The following DCDC2 variants were observed in gnomAD, a reference collection of about 807,000 sequenced individuals.
DCDC2 encodes doublecortin domain-containing protein 2.
A neutral mutation model predicts 50.2 loss-of-function variants in DCDC2; 40 were observed. The ratio of observed to expected loss-of-function variants is 0.80; its 90% CI spans 0.62 to 1.04. DCDC2 has a LOEUF of 1.04. Ranked by LOEUF, DCDC2 falls within the 50% of genes least tolerant of loss-of-function variation. DCDC2 has a pLI of 0.00. For missense variants in DCDC2, 570 were observed against 581.9 expected (o/e 0.98, Z 0.21); for synonymous variants, 234 against 210.6 (o/e 1.11, Z -0.96).
In DCDC2 at chr6:24,221,774, T is replaced by A. The variant is rs775889016; in HGVS notation, c.923-16672A>T. The stretch of plus-strand genomic sequence containing the variant: ...TTTAAATAACATGCCTAAGGCGGCA[T>A]AGGCAGGAAGTGTTTGAGCCAGGGG... On this transcript the variant is annotated intron_variant, in intron 7 of 9. Coordinates refer to ENST00000378454, the MANE Select transcript of DCDC2 (RefSeq NM_016356.5). Among the ~76,000 whole-genome samples the A allele has an allele frequency of 1.1e-3, 174 of 152,224 alleles. 1 individual carries two copies. The highest frequency in any genetic ancestry group is 1.8e-4 in the Non-Finnish European group (12 of 68,052).
intron 2 of DCDC2, among the ~76,000 whole-genome samples, chr6:24,303,622 T>C (rs1006342075): frequency 2.6e-5 from 4 of 152,182 alleles, no homozygotes; most frequent in African/African-American, 9.7e-5. Flanking sequence ...TTTTACCCCA[T>C]GATTTGAAAG....
Position 24,255,276 on chromosome 6 carries a change from T to C in DCDC2, c.922+22773A>G, listed in dbSNP as rs533820960. Among the ~76,000 whole-genome samples, 12 of 151,808 alleles carry C rather than the reference T, an allele frequency of 7.9e-5. No individual in the cohort carries two copies. In the South Asian group the frequency reaches 1.9e-3, roughly 24 times the overall value. On this transcript the variant is annotated intron_variant, in intron 7 of 9. Coordinates refer to ENST00000378454, the MANE Select transcript of DCDC2 (RefSeq NM_016356.5). ...AGATATTCACATGGAGAAAAACTAA[T>C]CTTGACTTCACACCATGCATAAAAA...
chr6:24,228,041 G>A, intron 7 of DCDC2, among the ~76,000 whole-genome samples: 1 of 152,160 alleles, frequency 6.6e-6, no homozygotes, highest in East Asian at 1.9e-4. Flanking sequence ...TTAATTCATA[G>A]GTGGAAAGTT....
chr6:24,272,057 A>G (rs1033358520), intron 7 of DCDC2, among the ~76,000 whole-genome samples: 1 of 152,160 alleles, frequency 6.6e-6, no homozygotes, highest in African/African-American at 2.4e-5. Context: ...TAGTGAACAA[A>G]GTGTTTAAGA....
chr6:24,258,554 C>A (rs557769140), intron 7 of DCDC2, among the ~76,000 whole-genome samples: 2 of 152,158 alleles, frequency 1.3e-5, no homozygotes, highest in South Asian at 2.1e-4. Flanking sequence ...AGTCCCCACC[C>A]GACCCAGAAG....
intron 2 of DCDC2, among the ~76,000 whole-genome samples, chr6:24,320,035 T>C (rs1759743429): frequency 6.6e-6 from 1 of 152,164 alleles, no homozygotes; most frequent in Admixed American, 6.6e-5. Flanking sequence ...GGGAAAACGG[T>C]ATTCTTACTA....
intron 2 of DCDC2, among the ~76,000 whole-genome samples, chr6:24,329,329 T>C (rs1006024675): frequency 7.2e-5 from 11 of 152,218 alleles, no homozygotes; most frequent in Admixed American, 2.6e-4. Flanking sequence ...ACTTTATCAT[T>C]TGTTTGTTTT....
chr6:24,324,151 A>G (rs1759816936), intron 2 of DCDC2, among the ~76,000 whole-genome samples: 1 of 146,928 alleles, frequency 6.8e-6, no homozygotes, highest in Admixed American at 7.1e-5. Context: ...TCAAAACTGC[A>G]CCATCCAGGA....
chr6:24,306,543 T>TAGATAGAG (rs1209633765), intron 2 of DCDC2, among the ~76,000 whole-genome samples: 11 of 115,662 alleles, frequency 9.5e-5, no homozygotes, highest in African/African-American at 3.4e-4. Context: ...GATAGATAGA[T>TAGATAGAG]AGACAGACAG....
At chr6:24,300,239 A>G (rs557237946) in intron 4 of DCDC2, among the ~76,000 whole-genome samples, 2 of 152,122 alleles carry the variant, frequency 1.3e-5, no homozygotes, top group Non-Finnish European at 1.5e-5. Context: ...AAAAGAAAAA[A>G]AAAACAAAAG....
At chr6:24,211,578 G>C (rs1184906149) in intron 7 of DCDC2, among the ~76,000 whole-genome samples, 2 of 152,142 alleles carry the variant, frequency 1.3e-5, no homozygotes, top group African/African-American at 4.8e-5. Flanking sequence ...TAATCACAAG[G>C]GTCCTTGTGA....
rs145154884 is a variant in DCDC2 at position 24,174,738 on chromosome 6, C to A, written c.1423G>T (p.Val475Leu). ...CTCTTTTTAAAAATGTTCTAAGCCA[C>A]GGCAGCATAGTCCTTGTTTTGTTGG... ...NNQQNKDYAAVA is the reference protein window; with the variant it reads ...NNQQNKDYAALA Residue 475 changes from valine (V) to leucine (L), a missense_variant, in exon 10 of 10, where the codon GTG becomes TTG. By Grantham distance (32) the Val-to-Leu change is conservative (BLOSUM62 1). Transcript: ENST00000378454. 6.2e-7 allele frequency: 1 copy of A among 1,611,036 alleles called. No individual in the cohort carries two copies.
intron 7 of DCDC2, among the ~76,000 whole-genome samples, chr6:24,228,064 T>TA (rs1247504724): frequency 2.0e-5 from 3 of 152,254 alleles, no homozygotes; most frequent in Non-Finnish European, 2.9e-5. Flanking sequence ...CAAGCTTCAA[T>TA]AATTTTCTTT....
intron 2 of DCDC2, chr6:24,353,093 A>G: frequency 3.4e-6 from 1 of 297,976 alleles, no homozygotes; most frequent in South Asian, 3.0e-5. Flanking sequence ...GATAGAAGCT[A>G]AAACACAGGT....
intron 8 of DCDC2, among the ~76,000 whole-genome samples, chr6:24,203,425 C>T (rs181151394): frequency 2.6e-5 from 4 of 152,284 alleles, no homozygotes; most frequent in Admixed American, 2.6e-4. Flanking sequence ...GGAAAACTGG[C>T]TAGCCACATG....
At chr6:24,246,721 A>T (rs143316975) in intron 7 of DCDC2, among the ~76,000 whole-genome samples, 8,921 of 152,056 alleles carry the variant, frequency 0.059, 495 homozygotes, top group East Asian at 0.33. Context: ...TCCTGACCTC[A>T]GGTGATCTGC....
At chr6:24,291,901 A>T (rs1001397044) in intron 4 of DCDC2, among the ~76,000 whole-genome samples, 4 of 152,166 alleles carry the variant, frequency 2.6e-5, no homozygotes, top group African/African-American at 9.7e-5. Context: ...CACACAGAGA[A>T]CCGGGTCAGG....
At chr6:24,266,396 GA>G (rs1763122905) in intron 7 of DCDC2, among the ~76,000 whole-genome samples, 1 of 151,900 alleles carries the variant, frequency 6.6e-6, no homozygotes, top group African/African-American at 2.4e-5. Flanking sequence ...CAGAATAGAA[GA>G]AAATATTTGC....
At position 24,340,851 on chromosome 6, in the gene DCDC2, G is replaced by A. The variant is rs541501665; in HGVS notation, c.348+12718C>T. Reference sequence around the variant, plus strand: ...AGCAATTCTCCTACCTCAGCCTCCCGAGTAGCTGGGACTACAGGCACGTAC... The same window carrying A: ...AGCAATTCTCCTACCTCAGCCTCCCAAGTAGCTGGGACTACAGGCACGTAC... On this transcript the variant is annotated intron_variant, in intron 2 of 9. Coordinates refer to ENST00000378454, the MANE Select transcript of DCDC2 (RefSeq NM_016356.5). Among the ~76,000 whole-genome samples, 9 of 152,132 alleles carry A rather than the reference G, an allele frequency of 5.9e-5. 1 individual carries two copies. Among genetic ancestry groups the A allele is most frequent in the African/African-American group, 1.2e-4 (5 of 41,500 alleles).
Sources: allele counts gnomAD v4.1 joint callset (sites outside exome capture counted in the v4.1 genomes callset), GRCh38; gene constraint gnomAD v4.1.1; transcripts MANE v1.5; gene names NCBI Gene and HGNC (gene_info 2026-07-23, HGNC 2026-07-21).